Variants in PIEZO1 observed in about 807,000 individuals in gnomAD.
PIEZO1 encodes the protein piezo-type mechanosensitive ion channel component 1.
A neutral mutation model predicts 297.2 loss-of-function variants in PIEZO1; 296 were observed. The ratio of observed to expected loss-of-function variants is 1.00; its 90% CI spans 0.91 to 1.10. The LOEUF (loss-of-function observed/expected upper bound fraction) is 1.10. Ranked by LOEUF, PIEZO1 falls within the 50% of genes least tolerant of loss-of-function variation. The pLI, the probability that PIEZO1 is intolerant of heterozygous loss-of-function variation, is 0.00. For missense variants in PIEZO1, 5,018 were observed against 3,455.5 expected, an observed-to-expected ratio of 1.45 and a Z score of -11.34; for synonymous variants, 2,427 against 1,507.5, an observed-to-expected ratio of 1.61 and a Z score of -14.13.
Position 88,737,641 on chromosome 16 carries a change from C to G in PIEZO1, c.1113G>C (p.Val371=). Residue 371 remains valine, a synonymous_variant, in exon 10 of 51, where the codon GTG becomes GTC. Coordinates refer to ENST00000301015, the MANE Select transcript of PIEZO1 (RefSeq NM_001142864.4). ...CCTCGGTGTCGGGTGCTGTGGGCAC[C>G]ACGTGCTGTGGGCAAGCAGCGCTGA... The part of the protein sequence containing the change: ...WPQERESDQH[V]VPTAPDTEAD... The G allele has an allele frequency of 6.5e-7, 1 of 1,534,914 alleles. No homozygotes were observed. The highest frequency in any genetic ancestry group is 1.2e-5 in the South Asian group (1 of 84,022).
At chr16:88,760,200 C>T (rs895125088) in intron 1 of PIEZO1, among the ~76,000 whole-genome samples, 2 of 152,162 alleles carry the variant, frequency 1.3e-5, no homozygotes, top group African/African-American at 2.4e-5. Context: ...TGGCTACAGA[C>T]GGCTGAGCCA....
In PIEZO1 at chr16:88,719,698, A is replaced by G; in HGVS notation, c.6347T>C (p.Val2116Ala). ...CCAGTCCATCACTGCCCGCAGCTCC[A>G]CCAGGAACGGCACCAGCCGGAACCT... ...FQGFRLVPFL[V>A]ELRAVMDWVW... The change falls in exon 44 of 51, where the codon GTG becomes GCG. Residue 2116 changes from valine (V) to alanine (A), a missense_variant. Physicochemically the swap from Val to Ala is moderately conservative, Grantham distance 64. Coordinates refer to ENST00000301015, the MANE Select transcript of PIEZO1 (RefSeq NM_001142864.4). The G allele has an allele frequency of 6.4e-7, 1 of 1,551,860 alleles. No homozygotes were observed. Among genetic ancestry groups the G allele is most frequent in the Non-Finnish European group, 8.7e-7 (1 of 1,147,826 alleles).
chr16:88,717,736 T>G (rs1001131379), intron 44 of PIEZO1: 4 of 442,474 alleles, frequency 9.0e-6, no homozygotes, highest in African/African-American at 8.1e-5. Context: ...TTCTGCAAAT[T>G]TTAATTGATA....
intron 44 of PIEZO1, 95 bp from the exon 45 acceptor site, chr16:88,717,306 C>G (rs1474519175): frequency 3.7e-6 from 4 of 1,094,898 alleles, no homozygotes; most frequent in Non-Finnish European, 5.4e-6. Flanking sequence ...CCAGAAAAGC[C>G]CCAGCCTGAC....
In PIEZO1 at chr16:88,716,520, G is replaced by A. The variant is rs997612565; in HGVS notation, c.6927-37C>T. 5.2e-6 allele frequency: 8 copies of A among 1,537,502 alleles called. No homozygotes were observed. In the Admixed American group the frequency reaches 9.9e-5, roughly 19 times the overall value. ...AACACAGCGTGACCCACTGTAGTGG[G>A]TCCACCCACCCAGGCACTGCCCCAA... On this transcript the variant is annotated intron_variant, in intron 47 of 50. Transcript: ENST00000301015.
chr16:88,764,016 G>A (rs567637574), intron 1 of PIEZO1, among the ~76,000 whole-genome samples: 31 of 152,252 alleles, frequency 2.0e-4, no homozygotes, highest in African/African-American at 7.2e-4. Context: ...CCTCCTGGGG[G>A]CCAAAGTGCA....
Position 88,733,390 on chromosome 16 carries a change from C to A in PIEZO1, c.2552G>T (p.Arg851Leu). 6.5e-7 allele frequency: 1 copy of A among 1,550,144 alleles called. No homozygotes were observed. The highest frequency in any genetic ancestry group is 8.7e-7 in the Non-Finnish European group (1 of 1,146,838). The change falls in exon 19 of 51, where the codon CGG becomes CTG. Residue 851 changes from arginine to leucine, a missense_variant. Physicochemically the swap from Arg to Leu is moderately radical, Grantham distance 102. Transcript: ENST00000301015. ...GGTGGACAGGCAGGAGGCCATGGGC[C>A]GGAAGCGTGGGTAGGGCAGGGCGAA... The part of the protein sequence containing the change: ...WAFALPYPRF[R>L]PMASCLSTVW...
intron 1 of PIEZO1, among the ~76,000 whole-genome samples, chr16:88,753,322 C>G (rs145681888): frequency 7.8e-6 from 1 of 127,984 alleles, no homozygotes; most frequent in African/African-American, 3.1e-5. Flanking sequence ...CTCCCGCCCC[C>G]GGAGCACACC....
In PIEZO1 at chr16:88,727,540, T is replaced by C; in HGVS notation, c.3301+17A>G. ...TGAGGGTCCTCTGCAGAGGCGGGGG[T>C]GGTGGGGGGCACTCACTGATGAGGT... On this transcript the variant is annotated intron_variant, in intron 23 of 50. Transcript: ENST00000301015. 3 of 861,148 alleles carry C rather than the reference T, an allele frequency of 3.5e-6. No homozygotes were observed. Among genetic ancestry groups the C allele is most frequent in the Non-Finnish European group, 5.0e-6 (3 of 600,706 alleles). The allele number at this position is 861,148 out of a possible 1,614,324, so 53.3% of individuals were successfully genotyped here.
intron 22 of PIEZO1, among the ~76,000 whole-genome samples, chr16:88,729,590 C>T (rs535042002): frequency 4.2e-5 from 6 of 141,200 alleles, no homozygotes; most frequent in South Asian, 2.2e-4. Flanking sequence ...AAGTGACCCT[C>T]GATGCTGGGG....
rs1185369153 is a variant in PIEZO1, at chr16:88,727,205, G to A, written c.3302-13C>T. 5.2e-6 allele frequency: 8 copies of A among 1,525,900 alleles called. No homozygotes were observed. The East Asian group carries it at 7.4e-5, about 14-fold the overall frequency. The allele number at this position is 1,525,900 out of a possible 1,614,324, so 94.5% of individuals were successfully genotyped here. ...AGGAGAAAGTCGCCTGCAGGACACA[G>A]GAGCCGCCGCTGTGCCACACGGGGA... On this transcript the variant is annotated splice_polypyrimidine_tract_variant and intron_variant, in intron 23 of 50. Coordinates refer to ENST00000301015, the MANE Select transcript of PIEZO1 (RefSeq NM_001142864.4).
rs778431128 is a variant in PIEZO1, at chr16:88,716,555, G to A, written c.6926+4C>T. 67 of 1,540,984 alleles carry A rather than the reference G, an allele frequency of 4.3e-5. No individual in the cohort carries two copies. The highest frequency in any genetic ancestry group is 6.0e-5 in the South Asian group (5 of 82,908). ...CCAGGCACTGCCCCAAGTCCAGGAC[G>A]AACCTCTGGAAGTTCCAGGTGAAGC... On this transcript the variant is annotated splice_donor_region_variant and intron_variant, in intron 47 of 50. Coordinates refer to ENST00000301015, the MANE Select transcript of PIEZO1 (RefSeq NM_001142864.4).
In PIEZO1 at chr16:88,733,751, A is replaced by G. The variant is rs762333855; in HGVS notation, c.2330-6T>C. The G allele has an allele frequency of 2.7e-5, 41 of 1,540,658 alleles. No individual in the cohort carries two copies. Among genetic ancestry groups the G allele is most frequent in the Non-Finnish European group, 3.1e-5 (35 of 1,141,870 alleles). Reference sequence around the variant, plus strand: ...CAGGCCCCACTTGGCTGCCCCTGTGATGGTGTGAGGGTCAGTGCGGGGCAC... The same window carrying G: ...CAGGCCCCACTTGGCTGCCCCTGTGGTGGTGTGAGGGTCAGTGCGGGGCAC... On this transcript the variant is annotated splice_polypyrimidine_tract_variant and splice_region_variant and intron_variant, in intron 17 of 50. Coordinates refer to ENST00000301015, the MANE Select transcript of PIEZO1 (RefSeq NM_001142864.4).
rs566585209 is a variant in PIEZO1 at position 88,738,054 on chromosome 16, G to T, written c.900C>A (p.His300Gln). Residue 300 changes from histidine to glutamine, a missense_variant, in exon 8 of 51, where the codon CAC (histidine) becomes CAA (glutamine). His to Gln is a conservative substitution (Grantham distance 24). Transcript: ENST00000301015. ...CCAGGCCGGTGTTGAGGACCAGCGCGTGGGGGCTGGAGCAGTTGGTGGGAC... is the reference window on the plus strand; with the variant it reads ...CCAGGCCGGTGTTGAGGACCAGCGCTTGGGGGCTGGAGCAGTTGGTGGGAC... ...FVGPTNCSSP[H>Q]ALVLNTGLDW... 2 of 1,535,692 alleles carry T rather than the reference G, an allele frequency of 1.3e-6. No individual in the cohort carries two copies. Among genetic ancestry groups the T allele is most frequent in the Non-Finnish European group, 1.7e-6 (2 of 1,146,810 alleles).
chr16:88,742,455 G>A (rs780906240), intron 2 of PIEZO1, 33 bp from the exon 3 acceptor site: 10 of 1,528,900 alleles, frequency 6.5e-6, no homozygotes, highest in African/African-American at 1.4e-5. Context: ...GGCTGGTCCC[G>A]GGGACGGGGA....
rs372575738 is a variant in PIEZO1, at chr16:88,722,926, G to T, written c.4579C>A (p.Arg1527Ser). Residue 1527 changes from arginine (R) to serine (S), a missense_variant, in exon 34 of 51, where the codon CGC (arginine) becomes AGC (serine). Coordinates refer to ENST00000301015, the MANE Select transcript of PIEZO1 (RefSeq NM_001142864.4). Reference sequence around the variant, plus strand: ...TGCCGGGTGAACTCCTGCAGCCAGCGTGTCAGCTCATCCACTAGCGCCTGC... The same window carrying T: ...TGCCGGGTGAACTCCTGCAGCCAGCTTGTCAGCTCATCCACTAGCGCCTGC... ...LGQALVDELT[R>S]WLQEFTRHHG... 1 of 1,549,378 alleles carries T rather than the reference G, an allele frequency of 6.5e-7. No homozygotes were observed. The highest frequency in any genetic ancestry group is 8.7e-7 in the Non-Finnish European group (1 of 1,146,760).
At position 88,733,665 on chromosome 16, in the gene PIEZO1, C is replaced by T. The variant is rs750634854; in HGVS notation, c.2410G>A (p.Val804Met). The change falls in exon 18 of 51, where the codon GTG (valine) becomes ATG (methionine). Residue 804 changes from valine (V) to methionine (M), a missense_variant. Coordinates refer to ENST00000301015, the MANE Select transcript of PIEZO1 (RefSeq NM_001142864.4). ...AGCTCCAGCAGCCGCCGCAGGAACA[C>T]CTGCACGCGTGAGAGGACGTCCGAG... is the stretch of plus-strand genomic sequence containing the variant. Reference protein sequence around the residue: ...GFSDVLSRVQVFLRRLLELHV... With the variant: ...GFSDVLSRVQMFLRRLLELHV... 1.9e-5 allele frequency: 29 copies of T among 1,549,752 alleles called. No individual in the cohort carries two copies. The highest frequency in any genetic ancestry group is 3.3e-4 in the Middle Eastern group (2 of 6,012).
Position 88,720,274 on chromosome 16 carries a change from C to T in PIEZO1, c.5959G>A (p.Ala1987Thr). ...FGFWAFGKHS[A>T]ATDITSSLSD... ...AGGGAGGACGTGATGTCTGTGGCCG[C>T]CGAGTGCTTCTGTGGCCAGGAGAGC... The change falls in exon 42 of 51, where the codon GCG becomes ACG. Residue 1987 changes from alanine (A) to threonine (T), a missense_variant. Transcript: ENST00000301015. The T allele has an allele frequency of 6.4e-7, 1 of 1,550,424 alleles. No individual in the cohort carries two copies. The highest frequency in any genetic ancestry group is 1.2e-5 in the South Asian group (1 of 84,062).
At position 88,734,964 on chromosome 16, in the gene PIEZO1, T is replaced by G. The variant is rs750979509; in HGVS notation, c.1759A>C (p.Met587Leu). The change falls in exon 14 of 51, where the codon ATG (methionine) becomes CTG (leucine). Residue 587 changes from methionine to leucine, a missense_variant. Coordinates refer to ENST00000301015, the MANE Select transcript of PIEZO1 (RefSeq NM_001142864.4). ...AKYWIYVCAG[M>L]FIVVSFAGRL... ...CCGGCGAAGCTGACCACGATGAACA[T>G]GCCAGCACACACATAGATCCAGTAC... 2 of 1,550,508 alleles carry G rather than the reference T, an allele frequency of 1.3e-6. No homozygotes were observed. Among genetic ancestry groups the G allele is most frequent in the Non-Finnish European group, 1.7e-6 (2 of 1,146,968 alleles).
Sources: gnomAD v4.1 joint callset for allele counts (sites outside exome capture counted in the v4.1 genomes callset) on GRCh38, gnomAD v4.1.1 for gene constraint, MANE v1.5 for transcripts, NCBI Gene and HGNC (gene_info 2026-07-23, HGNC 2026-07-21) for gene names.